Variants in DDX60 observed in about 807,000 individuals in gnomAD.
The protein encoded by DDX60 is DExD/H-box helicase 60.
Under a neutral mutation model 212.8 loss-of-function variants are expected in DDX60, and 165 were observed. The ratio of observed to expected loss-of-function variants is 0.78; its 90% confidence interval spans 0.68 to 0.88. DDX60 has a LOEUF of 0.88. Among genes scored for constraint, DDX60 ranks in the 40% least tolerant of loss-of-function variants. DDX60 has a pLI of 0.00. For missense variants in DDX60, 1,905 were observed against 2,003.9 expected (o/e 0.95, Z 0.94); for synonymous variants, 703 against 685.3 (o/e 1.03, Z -0.40).
chr4:168,302,573 A>G (rs960534334), intron 5 of DDX60, among the ~76,000 whole-genome samples, 157 bp from the exon 6 acceptor site: 8 of 152,242 alleles, frequency 5.3e-5, no homozygotes, highest in Non-Finnish European at 8.8e-5. Context: ...ACCCCATTGA[A>G]CATCACTATT....
intron 24 of DDX60, among the ~76,000 whole-genome samples, chr4:168,261,493 C>T (rs1430307874): frequency 6.6e-6 from 1 of 151,988 alleles, no homozygotes; most frequent in Non-Finnish European, 1.5e-5. Flanking sequence ...TCAATCTGTG[C>T]CAATAAATCA....
chr4:168,325,783 G>A, the DDX60 span, among the ~76,000 whole-genome samples: 1 of 152,226 alleles, frequency 6.6e-6, no homozygotes, highest in Non-Finnish European at 1.5e-5. Flanking sequence ...AGGATTTTAA[G>A]TTGCAGAGCA....
chr4:168,291,961 A>G (rs1002216276), intron 7 of DDX60, 55 bp from the exon 8 acceptor site: 2 of 1,365,374 alleles, frequency 1.5e-6, no homozygotes, highest in Non-Finnish European at 9.8e-7. Context: ...GACATTGCAT[A>G]ATAAGCATCT....
intron 26 of DDX60, among the ~76,000 whole-genome samples, chr4:168,253,626 G>A (rs1005987639): frequency 5.3e-5 from 8 of 152,140 alleles, no homozygotes; most frequent in African/African-American, 1.7e-4. Context: ...TCCCAGTAGG[G>A]TTAGAATCAG....
intron 19 of DDX60, among the ~76,000 whole-genome samples, chr4:168,269,271 C>T (rs1163193769): frequency 6.6e-6 from 1 of 152,132 alleles, no homozygotes; most frequent in Non-Finnish European, 1.5e-5. Flanking sequence ...CTTAGCCTCC[C>T]TATCTGCCCT....
At position 168,262,726 on chromosome 4, in the gene DDX60, T is replaced by C; in HGVS notation, c.3101A>G (p.Tyr1034Cys). The part of the protein sequence containing the change: ...TLSPRESIQL[Y>C]DAMFQIWKSW... The stretch of plus-strand genomic sequence containing the variant: ...TTTCCAAATTTGAAACATGGCATCA[T>C]ACAGCTGGATGCTTTCTCGAGGTGA... The change falls in exon 23 of 38, where the codon TAT (tyrosine) becomes TGT (cysteine). Residue 1034 changes from tyrosine to cysteine, a missense_variant. Tyr to Cys is a radical substitution (Grantham distance 194, BLOSUM62 -2). Coordinates refer to ENST00000393743, the MANE Select transcript of DDX60 (RefSeq NM_017631.6). 3.1e-6 allele frequency: 5 copies of C among 1,612,740 alleles called. 1 individual carries two copies. The highest frequency in any genetic ancestry group is 2.2e-5 in the South Asian group (2 of 90,892).
At chr4:168,296,113 C>T (rs1736329276) in intron 6 of DDX60, among the ~76,000 whole-genome samples, 1 of 151,894 alleles carries the variant, frequency 6.6e-6, no homozygotes, top group Non-Finnish European at 1.5e-5. Flanking sequence ...ATAATAATGT[C>T]ATATATTTCA....
chr4:168,284,868 G>A lies in DDX60; in HGVS notation c.1513C>T (p.His505Tyr), dbSNP rs760807892. ...TCATAATCATCACTCAGGGGTTTATGAGAATGCCAGTGCACAAGTTCATCA... is the reference window on the plus strand; with the variant it reads ...TCATAATCATCACTCAGGGGTTTATAAGAATGCCAGTGCACAAGTTCATCA... ...EFDELVHWHSHKPLSDDYDRS... is the reference protein window; with the variant it reads ...EFDELVHWHSYKPLSDDYDRS... Residue 505 changes from histidine (H) to tyrosine (Y), a missense_variant, in exon 12 of 38, where the codon CAT (histidine) becomes TAT (tyrosine). Physicochemically the swap from His to Tyr is moderately conservative, Grantham distance 83. Transcript: ENST00000393743. 7 of 1,598,028 alleles carry A rather than the reference G, an allele frequency of 4.4e-6. No homozygotes were observed. In the Admixed American group the frequency reaches 1.2e-4, roughly 27 times the overall value.
rs749585642 is a variant in DDX60, at chr4:168,288,271, A to G, written c.1086T>C (p.Phe362=). Residue 362 remains phenylalanine, a synonymous_variant, in exon 9 of 38, where the codon TTT becomes TTC. Coordinates refer to ENST00000393743, the MANE Select transcript of DDX60 (RefSeq NM_017631.6). ...EYFILRNIHT[F]EFWNLNLIHL... ...GAATTAAATTCAGATTCCAAAATTC[A>G]AAAGTATGTATATTTCTTAAGATGA... 6.7e-7 allele frequency: 1 copy of G among 1,498,870 alleles called. No homozygotes were observed. Among genetic ancestry groups the G allele is most frequent in the Non-Finnish European group, 9.1e-7 (1 of 1,093,796 alleles). The allele number at this position is 1,498,870 out of a possible 1,614,324, so 92.8% of individuals were successfully genotyped here. A position where few individuals can be genotyped will look rare whatever the true frequency, so the allele number is the denominator to read the frequency against.
chr4:168,248,313 T>A, intron 28 of DDX60, 21 bp from the exon 29 acceptor site: 1 of 1,524,542 alleles, frequency 6.6e-7, no homozygotes, highest in Non-Finnish European at 8.9e-7. Flanking sequence ...AATAAAACAA[T>A]TACTTCATAA....
intron 33 of DDX60, among the ~76,000 whole-genome samples, chr4:168,227,736 A>T (rs1733306875): frequency 6.6e-6 from 1 of 152,152 alleles, no homozygotes; most frequent in East Asian, 1.9e-4. Context: ...ATAAATTCCA[A>T]CTTATAAGCA....
At chr4:168,306,347 C>A (rs1488886680) in intron 5 of DDX60, 32 bp downstream of exon 5, 1 of 1,528,322 alleles carries the variant, frequency 6.5e-7, no homozygotes, top group African/African-American at 1.4e-5. Context: ...TTGAAAATTT[C>A]TAGAAGAAAT....
intron 8 of DDX60, among the ~76,000 whole-genome samples, chr4:168,289,260 T>A (rs7671380): frequency 0.36 from 55,435 of 151,998 alleles, 10,517 homozygotes; most frequent in African/African-American, 0.47. Flanking sequence ...AACCAATGTA[T>A]TTTCAGTCCT....
intron 19 of DDX60, among the ~76,000 whole-genome samples, chr4:168,271,611 T>A (rs1448179807): frequency 6.6e-6 from 1 of 152,236 alleles, no homozygotes; most frequent in Non-Finnish European, 1.5e-5. Context: ...AAAATACACT[T>A]CTTGAATTAT....
At chr4:168,251,227 G>A in intron 27 of DDX60, 121 bp from the exon 28 acceptor site, 3 of 840,816 alleles carry the variant, frequency 3.6e-6, no homozygotes, top group Non-Finnish European at 5.5e-6. Context: ...ATTTGAAACT[G>A]ACTCTACATG....
intron 1 of DDX60, among the ~76,000 whole-genome samples, chr4:168,315,608 G>A (rs1215398587): frequency 6.6e-6 from 1 of 152,088 alleles, no homozygotes; most frequent in Non-Finnish European, 1.5e-5. Flanking sequence ...CCCAGTGTGT[G>A]AGGTTCCCCT....
chr4:168,246,584 A>G lies in DDX60; in HGVS notation c.3998T>C (p.Leu1333Pro). The G allele has an allele frequency of 6.2e-7, 1 of 1,614,110 alleles. No homozygotes were observed. The highest frequency in any genetic ancestry group is 8.5e-7 in the Non-Finnish European group (1 of 1,179,986). The part of the protein sequence containing the change: ...SGRAGRRGQD[L>P]MGDVYFFDIP... ...ATCAAAGAAATATACATCTCCCATCAGGTCTTGACCTCTTCTTCCAGCACG... is the reference window on the plus strand; with the variant it reads ...ATCAAAGAAATATACATCTCCCATCGGGTCTTGACCTCTTCTTCCAGCACG... Residue 1333 changes from leucine to proline, a missense_variant, in exon 30 of 38, where the codon CTG (leucine) becomes CCG (proline). Transcript: ENST00000393743.
chr4:168,237,458 A>T (rs1164404043), intron 31 of DDX60, 31 bp from the exon 32 acceptor site: 2 of 1,528,574 alleles, frequency 1.3e-6, no homozygotes, highest in South Asian at 1.4e-5. Flanking sequence ...TATTAGTTTG[A>T]CTCAAGTCAC....
chr4:168,251,395 T>C (rs1183657407), intron 27 of DDX60, among the ~76,000 whole-genome samples: 1 of 152,236 alleles, frequency 6.6e-6, no homozygotes, highest in African/African-American at 2.4e-5. Flanking sequence ...ATGACTGCTC[T>C]TGCCTGAGGG....
Sources: gnomAD v4.1 joint callset for allele counts (sites outside exome capture counted in the v4.1 genomes callset) on GRCh38, gnomAD v4.1.1 for gene constraint, MANE v1.5 for transcripts, NCBI Gene and HGNC (gene_info 2026-07-23, HGNC 2026-07-21) for gene names.